The following MCC variants were observed in gnomAD, a reference collection of about 807,000 sequenced individuals.
The protein encoded by MCC is MCC regulator of Wnt signaling pathway.
In MCC, 90 loss-of-function variants were observed where a neutral mutation model predicts 116.2. The ratio of observed to expected loss-of-function variants is 0.77; its 90% CI spans 0.65 to 0.92. The LOEUF (loss-of-function observed/expected upper bound fraction) is 0.92, where lower values mean the gene tolerates loss of function less well. Among genes scored for constraint, MCC ranks in the 40% least tolerant of loss-of-function variants. The probability of loss-of-function intolerance (pLI) is 0.00; values close to 1 mark genes in which losing one functional copy is unlikely to be tolerated. For synonymous variants in MCC, 578 were observed against 510.5 expected (o/e 1.13, Z -1.78); for missense variants, 1,516 against 1,312.2 (o/e 1.16, Z -2.40).
intron 3 of MCC, among the ~76,000 whole-genome samples, chr5:113,290,474 T>C (rs901984777): frequency 1.3e-5 from 2 of 152,194 alleles, no homozygotes; most frequent in African/African-American, 4.8e-5. Flanking sequence ...AAAATAAATT[T>C]TTATTTTTGT....
At chr5:113,220,878 C>T (rs555529143) in intron 3 of MCC, among the ~76,000 whole-genome samples, 4 of 152,314 alleles carry the variant, frequency 2.6e-5, no homozygotes, top group South Asian at 2.1e-4. Flanking sequence ...ACGTGGTGAA[C>T]ACTTTTAGTT....
At chr5:113,138,271 A>G (rs1300361315) in intron 5 of MCC, among the ~76,000 whole-genome samples, 1 of 152,150 alleles carries the variant, frequency 6.6e-6, no homozygotes, top group Non-Finnish European at 1.5e-5. Context: ...TCAGCCTCCC[A>G]AAGTGCTGGG....
intron 16 of MCC, among the ~76,000 whole-genome samples, chr5:113,045,221 T>C (rs1360017803): frequency 6.6e-6 from 1 of 152,182 alleles, no homozygotes; most frequent in Non-Finnish European, 1.5e-5. Context: ...TACTTGGCAG[T>C]ATCTGGTGCA....
At chr5:113,431,936 G>A (rs1770664209) in intron 1 of MCC, among the ~76,000 whole-genome samples, 1 of 152,140 alleles carries the variant, frequency 6.6e-6, no homozygotes. Flanking sequence ...AAGAGATCAA[G>A]ATCATCCTAG....
chr5:113,198,500 G>C (rs572290464), intron 3 of MCC, among the ~76,000 whole-genome samples: 71 of 149,792 alleles, frequency 4.7e-4, no homozygotes, highest in African/African-American at 1.7e-3. Flanking sequence ...TTCGAGACAA[G>C]CCTGGGTAAC....
intron 3 of MCC, among the ~76,000 whole-genome samples, chr5:113,312,554 G>A (rs1297272698): frequency 1.3e-5 from 2 of 152,164 alleles, no homozygotes; most frequent in Non-Finnish European, 2.9e-5. Context: ...AATGCAGCTG[G>A]AGAATGGAGA....
At chr5:113,165,445 C>T (rs1443846505) in intron 3 of MCC, among the ~76,000 whole-genome samples, 1 of 152,030 alleles carries the variant, frequency 6.6e-6, no homozygotes, top group African/African-American at 2.4e-5. Flanking sequence ...CTTTTTTGTC[C>T]CCTTAATTTC....
chr5:113,087,995 C>A (rs1755322604), intron 8 of MCC, among the ~76,000 whole-genome samples: 1 of 152,206 alleles, frequency 6.6e-6, no homozygotes, highest in Non-Finnish European at 1.5e-5. Flanking sequence ...TTACTCTAAT[C>A]ATTTTCCTTG....
chr5:113,359,621 A>T (rs189357742), intron 2 of MCC, among the ~76,000 whole-genome samples: 2 of 152,256 alleles, frequency 1.3e-5, no homozygotes, highest in East Asian at 1.9e-4. Context: ...TTAACCTTTT[A>T]AAAAAAACAA....
In MCC at chr5:113,143,323, A is replaced by G. The variant is rs929776140; in HGVS notation, c.779T>C (p.Val260Ala). 3.1e-6 allele frequency: 5 copies of G among 1,613,750 alleles called. No homozygotes were observed. The African/African-American group carries it at 5.3e-5, about 17-fold the overall frequency. The part of the protein sequence containing the change: ...QSHLMREHED[V>A]QERTTLRYEE... The stretch of plus-strand genomic sequence containing the variant: ...ATAGCGAAGTGTCGTTCGCTCCTGG[A>G]CATCCTCATGCTCTCTCATGAGGTG... Residue 260 changes from valine (V) to alanine (A), a missense_variant, in exon 5 of 19, where the codon GTC (valine) becomes GCC (alanine). Coordinates refer to ENST00000408903, the MANE Select transcript of MCC (RefSeq NM_001085377.2).
chr5:113,190,987 C>T (rs926761663), intron 3 of MCC, among the ~76,000 whole-genome samples: 1 of 152,212 alleles, frequency 6.6e-6, no homozygotes, highest in Admixed American at 6.5e-5. Flanking sequence ...ACGAAGCAGG[C>T]ATGACCCTGA....
intron 3 of MCC, among the ~76,000 whole-genome samples, chr5:113,180,075 G>C (rs897003230): frequency 6.6e-6 from 1 of 152,112 alleles, no homozygotes; most frequent in Non-Finnish European, 1.5e-5. Context: ...GAATACAGTG[G>C]CCCGACAGCC....
chr5:113,330,535 G>A (rs1387010879), intron 3 of MCC, among the ~76,000 whole-genome samples: 2 of 152,218 alleles, frequency 1.3e-5, no homozygotes, highest in Admixed American at 6.5e-5. Context: ...GCTGAGATAA[G>A]TCATTGGAAG....
intron 1 of MCC, among the ~76,000 whole-genome samples, chr5:113,465,781 A>C (rs1233940519): frequency 6.6e-6 from 1 of 152,202 alleles, no homozygotes; most frequent in African/African-American, 2.4e-5. Context: ...GGATTCAAAG[A>C]ATTGTAAAGT....
chr5:113,349,394 A>C (rs1370624132), intron 2 of MCC, among the ~76,000 whole-genome samples: 2 of 152,158 alleles, frequency 1.3e-5, no homozygotes, highest in Non-Finnish European at 2.9e-5. Context: ...GGTTCAACAT[A>C]TACAAATCAA....
intron 1 of MCC, among the ~76,000 whole-genome samples, chr5:113,388,147 A>C (rs2150394529): frequency 6.6e-6 from 1 of 152,366 alleles, no homozygotes; most frequent in South Asian, 2.1e-4. Context: ...TCAGAGTAGA[A>C]TGTGTAACAC....
chr5:113,277,249 T>C (rs1275781646), intron 3 of MCC, among the ~76,000 whole-genome samples: 3 of 150,748 alleles, frequency 2.0e-5, no homozygotes, highest in African/African-American at 7.3e-5. Flanking sequence ...GCACCTGTAA[T>C]CCCAGCTACT....
At chr5:113,136,293 T>A (rs1263992203) in intron 5 of MCC, among the ~76,000 whole-genome samples, 2 of 152,318 alleles carry the variant, frequency 1.3e-5, no homozygotes, top group African/African-American at 4.8e-5. Flanking sequence ...TCTCTACTCC[T>A]GAAGAAGTCT....
rs367697645 is a variant in MCC at position 113,340,538 on chromosome 5, T to G, written c.608A>C (p.Tyr203Ser). Residue 203 changes from tyrosine to serine, a missense_variant, in exon 3 of 19, where the codon TAT becomes TCT. Tyr to Ser is a moderately radical substitution (Grantham distance 144). Coordinates refer to ENST00000408903, the MANE Select transcript of MCC (RefSeq NM_001085377.2). ...ACTCACTGTGTTGGCCAGCTCTAGA[T>G]AGCTTCCTCCTACAGAGTTGCCAAT... ...PHIGNSVGGSYLELANTLHSA... is the reference protein window; with the variant it reads ...PHIGNSVGGSSLELANTLHSA... The G allele has an allele frequency of 4.6e-5, 74 of 1,614,180 alleles. No homozygotes were observed. In the South Asian group the frequency reaches 6.1e-4, roughly 13 times the overall value.
Sources: gnomAD v4.1 joint callset for allele counts (sites outside exome capture counted in the v4.1 genomes callset) on GRCh38, gnomAD v4.1.1 for gene constraint, MANE v1.5 for transcripts, NCBI Gene and HGNC (gene_info 2026-07-23, HGNC 2026-07-21) for gene names.